The following CDK14 variants were observed in gnomAD, a reference collection of about 807,000 sequenced individuals.
CDK14 encodes the protein cyclin-dependent kinase 14.
In CDK14, 34 loss-of-function variants were observed where a neutral mutation model predicts 60.7. The ratio of observed to expected loss-of-function variants is 0.56; its 90% CI spans 0.43 to 0.75. The LOEUF (loss-of-function observed/expected upper bound fraction) is 0.75, where lower values mean the gene tolerates loss of function less well. CDK14 is among the 30% of genes least tolerant of loss of function. The pLI is 0.00. For synonymous variants in CDK14, 197 were observed against 203.7 expected (o/e 0.97, Z 0.28); for missense variants, 482 against 564.1 (o/e 0.85, Z 1.47).
chr7:91,010,725 CTCCT>C (rs1383976032), intron 10 of CDK14, among the ~76,000 whole-genome samples: 2 of 149,406 alleles, frequency 1.3e-5, no homozygotes, highest in African/African-American at 4.9e-5. Context: ...TTTCTTTTTT[CTCCT>C]TCTTTTCCTT....
intron 14 of CDK14, among the ~76,000 whole-genome samples, chr7:91,203,125 A>T (rs1280365945): frequency 1.0e-5 from 1 of 99,648 alleles, no homozygotes. Flanking sequence ...TCATGGAGTT[A>T]AAAAAAAAAA....
In CDK14 at chr7:91,036,134, C is replaced by T. The variant is rs545574413; in HGVS notation, c.1042-9763C>T. ...CTGGGATTATAGGCGTGAGCCACTG[C>T]GCCCAGCTGCTTCATGGTCTTAAAA... On this transcript the variant is annotated intron_variant, in intron 10 of 14. Transcript: ENST00000380050. Among the ~76,000 whole-genome samples the T allele has an allele frequency of 6.6e-5, 10 of 152,238 alleles. No individual in the cohort carries two copies. The South Asian group carries it at 1.9e-3, about 28-fold the overall frequency.
intron 2 of CDK14, among the ~76,000 whole-genome samples, chr7:90,639,761 T>G (rs1029795009): frequency 3.3e-5 from 5 of 151,686 alleles, no homozygotes; most frequent in East Asian, 2.0e-4. Context: ...TTGAGCTGTG[T>G]TGGGCTCCAC....
intron 5 of CDK14, among the ~76,000 whole-genome samples, chr7:90,798,759 C>T (rs776361241): frequency 6.6e-6 from 1 of 152,224 alleles, no homozygotes; most frequent in African/African-American, 2.4e-5. Context: ...AATTTTATCT[C>T]TCATTGAGCT....
At chr7:90,843,434 A>G (rs1790366820) in intron 5 of CDK14, among the ~76,000 whole-genome samples, 1 of 152,190 alleles carries the variant, frequency 6.6e-6, no homozygotes, top group Admixed American at 6.5e-5. Context: ...AGCACTGGGA[A>G]TTAGCTGTGT....
chr7:90,662,395 C>G (rs181710965), intron 2 of CDK14, among the ~76,000 whole-genome samples: 1 of 152,292 alleles, frequency 6.6e-6, no homozygotes, highest in African/African-American at 2.4e-5. Flanking sequence ...GATTTTCTCC[C>G]CTGAGGAAAG....
intron 14 of CDK14, among the ~76,000 whole-genome samples, chr7:91,131,342 G>A (rs920376825): frequency 6.6e-6 from 1 of 152,080 alleles, no homozygotes; most frequent in Non-Finnish European, 1.5e-5. Context: ...AGAAGTACAT[G>A]ATATCCACAT....
At chr7:90,744,739 CG>C (rs1803513558) in intron 3 of CDK14, among the ~76,000 whole-genome samples, 1 of 134,336 alleles carries the variant, frequency 7.4e-6, no homozygotes, top group South Asian at 2.5e-4. Context: ...CCTCACCTCC[CG>C]GACGGGGCGG....
At chr7:91,025,213 C>T (rs1796538327) in intron 10 of CDK14, among the ~76,000 whole-genome samples, 1 of 152,044 alleles carries the variant, frequency 6.6e-6, no homozygotes, top group Non-Finnish European at 1.5e-5. Flanking sequence ...TGCACCATAA[C>T]AAAACTGGAT....
chr7:90,838,021 A>G (rs1203853013), intron 5 of CDK14, among the ~76,000 whole-genome samples: 2 of 152,144 alleles, frequency 1.3e-5, no homozygotes, highest in African/African-American at 2.4e-5. Context: ...ACACTCACCA[A>G]AGTTCCCTCT....
chr7:91,015,252 G>A (rs1289784593), intron 10 of CDK14, among the ~76,000 whole-genome samples: 1 of 151,834 alleles, frequency 6.6e-6, no homozygotes, highest in East Asian at 1.9e-4. Context: ...CTTTCCTTGA[G>A]CATTAACTCC....
At chr7:90,836,071 CAATG>C (rs1790086381) in intron 5 of CDK14, among the ~76,000 whole-genome samples, 1 of 152,128 alleles carries the variant, frequency 6.6e-6, no homozygotes, top group Non-Finnish European at 1.5e-5. Context: ...ATTGGTGAGT[CAATG>C]AGTGAGTAAT....
At chr7:90,900,443 T>A (rs1475494579) in intron 7 of CDK14, among the ~76,000 whole-genome samples, 1 of 152,196 alleles carries the variant, frequency 6.6e-6, no homozygotes, top group Admixed American at 6.6e-5. Flanking sequence ...ATTTAATGGA[T>A]GAAAATACGT....
chr7:90,937,199 A>C (rs1285839738), intron 8 of CDK14, among the ~76,000 whole-genome samples: 2 of 152,206 alleles, frequency 1.3e-5, no homozygotes, highest in Non-Finnish European at 2.9e-5. Flanking sequence ...GTATTGTATG[A>C]TATATATGGT....
chr7:90,958,532 G>A lies in CDK14; in HGVS notation c.947+2715G>A, dbSNP rs188953731. ...ACTTCCTGGCTTTTTTGGGGGGATG[G>A]TTGTTTACACAGTTAGATCTTTTTT... is the stretch of plus-strand genomic sequence containing the variant. On this transcript the variant is annotated intron_variant, in intron 9 of 14. Transcript: ENST00000380050. Among the ~76,000 whole-genome samples the A allele has an allele frequency of 2.8e-4, 43 of 152,188 alleles. No individual in the cohort carries two copies. The East Asian group carries it at 5.6e-3, about 20-fold the overall frequency.
chr7:90,603,203 G>A (rs1031881933), intron 1 of CDK14, among the ~76,000 whole-genome samples: 1 of 152,110 alleles, frequency 6.6e-6, no homozygotes, highest in African/African-American at 2.4e-5. Context: ...TTCTTAATAT[G>A]AAACATTCTA....
chr7:90,791,776 G>A (rs1198743307), intron 5 of CDK14, among the ~76,000 whole-genome samples: 1 of 152,040 alleles, frequency 6.6e-6, no homozygotes, highest in East Asian at 1.9e-4. Context: ...ATTTTACCCA[G>A]CCTTTTAGCA....
At chr7:91,005,799 A>G (rs1163570658) in intron 10 of CDK14, among the ~76,000 whole-genome samples, 2 of 152,182 alleles carry the variant, frequency 1.3e-5, no homozygotes, top group African/African-American at 4.8e-5. Flanking sequence ...TGGCATCTCT[A>G]ATTAACGTTA....
intron 7 of CDK14, among the ~76,000 whole-genome samples, chr7:90,905,789 A>G (rs1404234144): frequency 6.6e-6 from 1 of 152,194 alleles, no homozygotes; most frequent in African/African-American, 2.4e-5. Context: ...ACATAGGTTC[A>G]TCATCATTTT....
Sources: gnomAD v4.1 joint callset for allele counts (sites outside exome capture counted in the v4.1 genomes callset) on GRCh38, gnomAD v4.1.1 for gene constraint, MANE v1.5 for transcripts, NCBI Gene and HGNC (gene_info 2026-07-23, HGNC 2026-07-21) for gene names.